The following MAS1 variants were observed in gnomAD, a reference collection of about 807,000 sequenced individuals.
MAS1 encodes MAS1 proto-oncogene, G protein-coupled receptor, also known as proto-oncogene Mas.
For synonymous variants in MAS1, 163 were observed against 164.2 expected (o/e 0.99, Z 0.05); for missense variants, 387 against 409.7 (o/e 0.94, Z 0.48).
intron 1 of MAS1, among the ~76,000 whole-genome samples, chr6:159,892,100 T>C (rs1345045182): frequency 6.6e-6 from 1 of 152,066 alleles, no homozygotes; most frequent in African/African-American, 2.4e-5. Flanking sequence ...ATTGATCCTG[T>C]GGTATGTTTG....
chr6:159,916,765 A>T lies in MAS1; in HGVS notation c.*8832A>T, dbSNP rs1302727716. Among the ~76,000 whole-genome samples, 1 of 152,206 alleles carries T rather than the reference A, an allele frequency of 6.6e-6. No individual in the cohort carries two copies. The highest frequency in any genetic ancestry group is 1.5e-5 in the Non-Finnish European group (1 of 68,028). ...GTGCAGACTCCCCTGATTCCAATGA[A>T]GCTGCTGTTGAGGGCCGGATAGCAG... On this transcript the variant is annotated 3_prime_UTR_variant, in exon 3 of 3. Transcript: ENST00000674077.
At position 159,906,634 on chromosome 6, in the gene MAS1, C is replaced by CT. The variant is rs139272642; in HGVS notation, c.-36-281dup. The CT allele has an allele frequency of 1.9e-3, 440 of 231,450 alleles. 6 individuals are homozygous for CT. In the East Asian group the frequency reaches 0.037, roughly 20 times the overall value. 14.3% of individuals were successfully genotyped at this position (231,450 alleles called of 1,614,324 possible). ...TCGGCCACTCTTGCCTGGCCATCTC[C>CT]TTTTTGGCACTAAGCCACAAGCACA... On this transcript the variant is annotated intron_variant, in intron 2 of 2. Transcript: ENST00000674077.
chr6:159,903,510 T>G (rs1782847691), intron 2 of MAS1, among the ~76,000 whole-genome samples: 1 of 152,092 alleles, frequency 6.6e-6, no homozygotes, highest in Non-Finnish European at 1.5e-5. Context: ...TCTCTTTCCC[T>G]CATGTATTTC....
At position 159,907,730 on chromosome 6, in the gene MAS1, G is replaced by A. The variant is rs1299667651; in HGVS notation, c.775G>A (p.Gly259Arg). 1 of 1,613,280 alleles carries A rather than the reference G, an allele frequency of 6.2e-7. No individual in the cohort carries two copies. Among genetic ancestry groups the A allele is most frequent in the Non-Finnish European group, 8.5e-7 (1 of 1,179,886 alleles). Residue 259 changes from glycine (G) to arginine (R), a missense_variant, in exon 3 of 3, where the codon GGG becomes AGG. Transcript: ENST00000674077. ...LLYYEYWSTF[G>R]NLHHISLLFS... ...GTACTATGAGTATTGGTCGACCTTT[G>A]GGAACCTACACCACATTTCCCTGCT...
intron 1 of MAS1, among the ~76,000 whole-genome samples, chr6:159,892,287 C>A (rs1782708023): frequency 6.6e-6 from 1 of 152,108 alleles, no homozygotes; most frequent in Admixed American, 6.5e-5. Flanking sequence ...GGTGACTGCA[C>A]ACACACACAG....
Position 159,917,048 on chromosome 6 carries a change from G to A in MAS1, c.*9115G>A, listed in dbSNP as rs1057100972. On this transcript the variant is annotated 3_prime_UTR_variant, in exon 3 of 3. Transcript: ENST00000674077. ...GTGGCAGCCAGATTTGGTAGTGGCC[G>A]GACTTTGCCACCTCCAGCCTGGAGT... 2.6e-5 allele frequency among the ~76,000 whole-genome samples: 4 copies of A among 152,190 alleles called. No homozygotes were observed. Among genetic ancestry groups the A allele is most frequent in the African/African-American group, 4.8e-5 (2 of 41,450 alleles).
intron 1 of MAS1, among the ~76,000 whole-genome samples, chr6:159,894,212 G>A (rs1029371444): frequency 1.3e-5 from 2 of 152,020 alleles, no homozygotes; most frequent in Admixed American, 6.6e-5. Flanking sequence ...GGTCGAGAAC[G>A]GAGCCTGCAG....
At chr6:159,890,029 T>C (rs1414357510), upstream of MAS1, among the ~76,000 whole-genome samples, 1 of 152,174 alleles carries the variant, frequency 6.6e-6, no homozygotes, top group Non-Finnish European at 1.5e-5. Flanking sequence ...TCTTAATACT[T>C]TGGCACAATA....
rs1279972307 is a variant in MAS1, at chr6:159,910,665, G to T, written c.*2732G>T. The T allele has an allele frequency of 1.3e-5, 2 of 152,138 alleles. No individual in the cohort carries two copies. Among genetic ancestry groups the T allele is most frequent in the African/African-American group, 4.8e-5 (2 of 41,410 alleles). The allele number at this position is 152,138 out of a possible 1,614,324, so 9.4% of individuals were successfully genotyped here. On this transcript the variant is annotated 3_prime_UTR_variant, in exon 3 of 3. Transcript: ENST00000674077. ...GCTGTTTCCTTTGTACATATAAATA[G>T]ACTCAAATTGCTTCCACCTAACCAG...
chr6:159,895,481 T>A (rs2115108291), intron 1 of MAS1, among the ~76,000 whole-genome samples: 1 of 152,336 alleles, frequency 6.6e-6, no homozygotes, highest in Middle Eastern at 3.4e-3. Flanking sequence ...GGGAAAAATA[T>A]AACATATACA....
chr6:159,913,922 T>C lies in MAS1; in HGVS notation c.*5989T>C, dbSNP rs1171947493. ...CATGGATAAGGAGATCCTCTTACACTAATTATTTAAATGTGTACATATACA... is the reference window on the plus strand; with the variant it reads ...CATGGATAAGGAGATCCTCTTACACCAATTATTTAAATGTGTACATATACA... On this transcript the variant is annotated 3_prime_UTR_variant, in exon 3 of 3. Coordinates refer to ENST00000674077, the MANE Select transcript of MAS1 (RefSeq NM_002377.4). 6.6e-6 allele frequency: 1 copy of C among 152,226 alleles called. No individual in the cohort carries two copies. 9.4% of individuals were successfully genotyped at this position (152,226 alleles called of 1,614,324 possible). A position where few individuals can be genotyped will look rare whatever the true frequency, so the allele number is the denominator to read the frequency against.
chr6:159,892,526 G>A (rs768307061), intron 1 of MAS1, among the ~76,000 whole-genome samples: 19 of 152,168 alleles, frequency 1.2e-4, no homozygotes, highest in Non-Finnish European at 2.2e-4. Context: ...GGCCATGGAA[G>A]GACTGTGCTC....
chr6:159,898,746 G>A (rs556076089), intron 1 of MAS1, among the ~76,000 whole-genome samples: 28 of 49,344 alleles, frequency 5.7e-4, no homozygotes, highest in African/African-American at 1.4e-3. Context: ...CCTCCTCCTC[G>A]TTCCTTCTCC....
At chr6:159,899,881 A>G (rs891828290) in intron 2 of MAS1, among the ~76,000 whole-genome samples, 5 of 151,988 alleles carry the variant, frequency 3.3e-5, no homozygotes, top group African/African-American at 9.7e-5. Context: ...CCCCGTCTCT[A>G]CTAAAAATAC....
At position 159,911,293 on chromosome 6, in the gene MAS1, T is replaced by TC. The variant is rs1351448774; in HGVS notation, c.*3364dup. 1 of 153,336 alleles carries TC rather than the reference T, an allele frequency of 6.5e-6. No homozygotes were observed. Among genetic ancestry groups the TC allele is most frequent in the African/African-American group, 2.4e-5 (1 of 41,260 alleles). 9.5% of individuals were successfully genotyped at this position (153,336 alleles called of 1,614,324 possible). On this transcript the variant is annotated 3_prime_UTR_variant, in exon 3 of 3. Coordinates refer to ENST00000674077, the MANE Select transcript of MAS1 (RefSeq NM_002377.4). ...TGCAGGTGCTTGTAACCCATTCATT[T>TC]CCCCACCGTTTCTTTTTTCTTTTCT... is the stretch of plus-strand genomic sequence containing the variant.
upstream of MAS1, among the ~76,000 whole-genome samples, chr6:159,890,045 G>A (rs1411499921): frequency 6.6e-6 from 1 of 152,132 alleles, no homozygotes; most frequent in Non-Finnish European, 1.5e-5. Flanking sequence ...CAATATCTAT[G>A]AAGGAATCCC....
intron 1 of MAS1, among the ~76,000 whole-genome samples, chr6:159,895,818 A>C (rs1179094440): frequency 6.6e-6 from 1 of 152,262 alleles, no homozygotes; most frequent in Non-Finnish European, 1.5e-5. Context: ...CAGTTTGTTA[A>C]TACACATTTA....
At position 159,907,708 on chromosome 6, in the gene MAS1, CTATGAGTAT is replaced by C. The variant is rs774985560; in HGVS notation, c.755_763del (p.Tyr252_Tyr254del). On this transcript the variant is annotated inframe_deletion, in exon 3 of 3. Coordinates refer to ENST00000674077, the MANE Select transcript of MAS1 (RefSeq NM_002377.4). ...CCATGAGACTCCTTTACCTGCTGTA[CTATGAGTAT>C]TGGTCGACCTTTGGGAACCTACACC... The C allele has an allele frequency of 5.6e-5, 91 of 1,613,606 alleles. 1 individual carries two copies. The highest frequency in any genetic ancestry group is 4.4e-5 in the Non-Finnish European group (52 of 1,179,960).
intron 1 of MAS1, among the ~76,000 whole-genome samples, chr6:159,894,749 T>C (rs927163559): frequency 7.2e-5 from 11 of 152,248 alleles, no homozygotes; most frequent in African/African-American, 2.7e-4. Flanking sequence ...AGGACATGCC[T>C]GAATTGCCCC....
Sources: gnomAD v4.1 joint callset for allele counts (sites outside exome capture counted in the v4.1 genomes callset) on GRCh38, gnomAD v4.1.1 for gene constraint, MANE v1.5 for transcripts, NCBI Gene and HGNC (gene_info 2026-07-23, HGNC 2026-07-21) for gene names.